The following VAV3 variants were observed in gnomAD, a reference collection of about 807,000 sequenced individuals.
The protein encoded by VAV3 is guanine nucleotide exchange factor VAV3.
VAV3 carries 94 observed loss-of-function variants against 131.2 expected under a neutral mutation model. The observed-to-expected ratio is 0.72, with a 90% CI of 0.61 to 0.85. The LOEUF is 0.85. Ranked by LOEUF, VAV3 falls within the 40% of genes least tolerant of loss-of-function variation. VAV3 has a pLI of 0.00. For missense variants in VAV3, 939 were observed against 1,002.7 expected (o/e 0.94, Z 0.86); for synonymous variants, 349 against 342.0 (o/e 1.02, Z -0.22).
At chr1:107,588,249 T>G (rs1234742210) in intron 25 of VAV3, among the ~76,000 whole-genome samples, 1 of 152,210 alleles carries the variant, frequency 6.6e-6, no homozygotes, top group Admixed American at 6.5e-5. Flanking sequence ...CTGTAAATTA[T>G]GTGGACATCA....
chr1:107,783,774 C>T (rs1665828814), intron 2 of VAV3, among the ~76,000 whole-genome samples: 1 of 151,934 alleles, frequency 6.6e-6, no homozygotes. Context: ...TCAGGCCAGG[C>T]CTGGTGGCTC....
At chr1:107,851,341 T>C (rs1011311725) in intron 2 of VAV3, among the ~76,000 whole-genome samples, 3 of 151,326 alleles carry the variant, frequency 2.0e-5, no homozygotes, top group South Asian at 2.1e-4. Flanking sequence ...GTCATATCTA[T>C]TCAGTTTTAA....
At chr1:107,934,813 A>T (rs1343126743) in intron 1 of VAV3, among the ~76,000 whole-genome samples, 1 of 152,256 alleles carries the variant, frequency 6.6e-6, no homozygotes, top group Admixed American at 6.5e-5. Context: ...TTTGTGAATC[A>T]CTGTGTTGTT....
intron 22 of VAV3, among the ~76,000 whole-genome samples, chr1:107,608,706 C>T (rs1365846072): frequency 6.6e-6 from 1 of 152,154 alleles, no homozygotes; most frequent in East Asian, 1.9e-4. Context: ...ATACATTGCA[C>T]AGTGGATTCC....
chr1:107,934,394 C>T (rs754789439), intron 1 of VAV3, among the ~76,000 whole-genome samples: 40 of 152,256 alleles, frequency 2.6e-4, no homozygotes, highest in Non-Finnish European at 5.4e-4. Context: ...ATATATTTTG[C>T]CACTCTTTTT....
intron 15 of VAV3, among the ~76,000 whole-genome samples, chr1:107,728,333 C>T (rs1244550209): frequency 1.3e-5 from 2 of 152,122 alleles, no homozygotes; most frequent in African/African-American, 2.4e-5. Flanking sequence ...TTAATAGTCT[C>T]AGTTCCACTC....
intron 19 of VAV3, among the ~76,000 whole-genome samples, chr1:107,671,155 C>T (rs924546173): frequency 4.6e-5 from 7 of 152,146 alleles, no homozygotes; most frequent in African/African-American, 1.7e-4. Flanking sequence ...TGTTCACGTC[C>T]TCTAGACAAA....
chr1:107,609,612 T>C (rs1489071167), intron 22 of VAV3: 5 of 228,088 alleles, frequency 2.2e-5, no homozygotes, highest in Admixed American at 5.6e-5. Flanking sequence ...AATGAAAGCA[T>C]ATTTTTCTCT....
At chr1:107,792,218 TTGAG>T (rs1319725318) in intron 2 of VAV3, among the ~76,000 whole-genome samples, 2 of 152,228 alleles carry the variant, frequency 1.3e-5, no homozygotes, top group Non-Finnish European at 2.9e-5. Flanking sequence ...AAAGCAAGTG[TTGAG>T]TATTTTTTTT....
chr1:107,787,004 C>T (rs950740898), intron 2 of VAV3, among the ~76,000 whole-genome samples: 1 of 152,132 alleles, frequency 6.6e-6, no homozygotes, highest in African/African-American at 2.4e-5. Context: ...CACACATACA[C>T]ACACAAAAAC....
At chr1:107,897,644 A>G (rs564325136) in intron 1 of VAV3, among the ~76,000 whole-genome samples, 425 of 152,184 alleles carry the variant, frequency 2.8e-3, no homozygotes, top group African/African-American at 9.9e-3. Context: ...CACCCTGCCC[A>G]TGACACCACG....
chr1:107,589,717 A>G (rs1650790853), intron 25 of VAV3, among the ~76,000 whole-genome samples: 1 of 152,210 alleles, frequency 6.6e-6, no homozygotes, highest in African/African-American at 2.4e-5. Flanking sequence ...ATGACAAAAA[A>G]ACTGAGGATA....
chr1:107,882,346 C>T (rs570685810), intron 1 of VAV3, among the ~76,000 whole-genome samples: 1 of 152,070 alleles, frequency 6.6e-6, no homozygotes, highest in Non-Finnish European at 1.5e-5. Context: ...GAAAGATCGG[C>T]CCTGAATTTG....
In VAV3 at chr1:107,571,273, T is replaced by C. The variant is rs544350115; in HGVS notation, c.*2058A>G. 6.5e-6 allele frequency: 1 copy of C among 152,696 alleles called. No individual in the cohort carries two copies. The highest frequency in any genetic ancestry group is 1.5e-5 in the Non-Finnish European group (1 of 68,054). The allele number at this position is 152,696 out of a possible 1,614,324, so 9.5% of individuals were successfully genotyped here. On this transcript the variant is annotated 3_prime_UTR_variant, in exon 27 of 27. Transcript: ENST00000370056. ...CTGCATACAGGCAAGACAAAGTATA[T>C]GGAAAACATTTACTTCTGTCTTTGG...
At chr1:107,902,702 A>T (rs1203566284) in intron 1 of VAV3, among the ~76,000 whole-genome samples, 1 of 152,214 alleles carries the variant, frequency 6.6e-6, no homozygotes, top group Non-Finnish European at 1.5e-5. Context: ...ACCTGCCATG[A>T]GGATATAAAT....
intron 1 of VAV3, among the ~76,000 whole-genome samples, chr1:107,950,997 AT>A (rs1674506209): frequency 6.6e-6 from 1 of 152,200 alleles, no homozygotes; most frequent in African/African-American, 2.4e-5. Flanking sequence ...AGAATAGACC[AT>A]CATCTCATGC....
At chr1:107,701,236 C>A (rs1660112240) in intron 17 of VAV3, among the ~76,000 whole-genome samples, 2 of 152,142 alleles carry the variant, frequency 1.3e-5, no homozygotes, top group Admixed American at 1.3e-4. Flanking sequence ...AACTTCAACT[C>A]TTGACTTTTG....
chr1:107,855,299 CAG>C (rs1571048586), intron 2 of VAV3, among the ~76,000 whole-genome samples: 1 of 152,234 alleles, frequency 6.6e-6, no homozygotes, highest in Non-Finnish European at 1.5e-5. Flanking sequence ...TTTTTTGAGA[CAG>C]AGTCTTGCTC....
intron 1 of VAV3, among the ~76,000 whole-genome samples, chr1:107,915,615 T>C (rs562837863): frequency 1.3e-5 from 2 of 152,344 alleles, no homozygotes; most frequent in East Asian, 3.9e-4. Flanking sequence ...TTAAGCCATA[T>C]ATAAATGTCA....
Sources: gnomAD v4.1 joint callset for allele counts (sites outside exome capture counted in the v4.1 genomes callset) on GRCh38, gnomAD v4.1.1 for gene constraint, MANE v1.5 for transcripts, NCBI Gene and HGNC (gene_info 2026-07-23, HGNC 2026-07-21) for gene names.